Variants in PAH observed in about 807,000 individuals in gnomAD.
PAH encodes phenylalanine hydroxylase, also known as phenylalanine-4-hydroxylase.
A neutral mutation model predicts 62.0 loss-of-function variants in PAH; 64 were observed. The ratio of observed to expected loss-of-function variants is 1.03; its 90% CI spans 0.84 to 1.27. PAH has a LOEUF of 1.27. Ranked by LOEUF, PAH falls within the 50% of genes most tolerant of loss-of-function variation. The pLI is 0.00. For synonymous variants in PAH, 195 were observed against 196.2 expected, an observed-to-expected ratio of 0.99 and a Z score of 0.05; for missense variants, 579 against 542.8, an observed-to-expected ratio of 1.07 and a Z score of -0.66.
At position 102,957,983 on chromosome 12, in the gene PAH, A is replaced by C. The variant is rs1231972717; in HGVS notation, c.-96+212T>G. ...GCGCCACGCGAGGCTCCCGAAGCCA[A>C]CCCGCGAAGGGAGGAGGGGAGGGAG... On this transcript the variant is annotated intron_variant, in intron 1 of 4. Transcript: ENST00000551337. The surrounding 1 kb of genome is among the most constrained non-coding windows in gnomAD (Gnocchi z 4.1). 2 of 322,584 alleles carry C rather than the reference A, an allele frequency of 6.2e-6. No homozygotes were observed. The highest frequency in any genetic ancestry group is 4.3e-5 in the African/African-American group (2 of 46,316). 20.0% of individuals were successfully genotyped at this position (322,584 alleles called of 1,614,324 possible). A position where few individuals can be genotyped will look rare whatever the true frequency, so the allele number is the denominator to read the frequency against.
At chr12:102,956,983 G>C (rs759974570) in intron 1 of PAH, among the ~76,000 whole-genome samples, 1 of 152,180 alleles carries the variant, frequency 6.6e-6, no homozygotes, top group Non-Finnish European at 1.5e-5. Flanking sequence ...ACAGAGCATT[G>C]AGAGGACGCC....
chr12:102,921,709 T>C (rs889831945), upstream of PAH, among the ~76,000 whole-genome samples: 5 of 152,158 alleles, frequency 3.3e-5, no homozygotes, highest in African/African-American at 1.2e-4. Flanking sequence ...GGGGATTTCT[T>C]AGAGGCTTTT....
At chr12:102,956,570 C>T (rs1181135564) in intron 1 of PAH, among the ~76,000 whole-genome samples, 1 of 152,118 alleles carries the variant, frequency 6.6e-6, no homozygotes, top group Non-Finnish European at 1.5e-5. Context: ...CCCGCGGCGG[C>T]GCCGAAGAAC....
chr12:102,870,646 T>C (rs1229075955), intron 4 of PAH, among the ~76,000 whole-genome samples: 3 of 152,218 alleles, frequency 2.0e-5, no homozygotes, highest in Non-Finnish European at 4.4e-5. Context: ...ACAGAATTCT[T>C]ACCTTGCTGT....
chr12:102,843,580 C>T (rs1874678722), intron 11 of PAH, 66 bp downstream of exon 11: 1 of 1,575,460 alleles, frequency 6.3e-7, no homozygotes, highest in Admixed American at 1.7e-5. Flanking sequence ...GGCCAACCAC[C>T]CACAGATGAG....
intron 1 of PAH, among the ~76,000 whole-genome samples, chr12:102,939,879 C>T (rs548426530): frequency 6.6e-6 from 1 of 152,244 alleles, no homozygotes; most frequent in East Asian, 1.9e-4. Context: ...CAGTGTGCAG[C>T]CTGGGAGTGC....
chr12:102,887,724 C>T lies in PAH; in HGVS notation c.352+7011G>A, dbSNP rs144382724. ...GGGAGAGTGGGTCTTTGCTCCATTT[C>T]ACAGATGAAGGAGAAGCGGTCATCC... On this transcript the variant is annotated intron_variant, in intron 3 of 12. Coordinates refer to ENST00000553106, the MANE Select transcript of PAH (RefSeq NM_000277.3). Among the ~76,000 whole-genome samples, 117 of 152,220 alleles carry T rather than the reference C, an allele frequency of 7.7e-4. No homozygotes were observed. In the East Asian group the frequency reaches 0.019, roughly 24 times the overall value.
Position 102,839,058 on chromosome 12 carries a change from G to C in PAH, c.*117C>G. ...ATTTGTTGTTTCTCCATCTTGTAAA[G>C]GATTTAAGGCTGTTATTTCAAATTA... On this transcript the variant is annotated 3_prime_UTR_variant, in exon 13 of 13. Transcript: ENST00000553106. 1.2e-6 allele frequency: 1 copy of C among 855,890 alleles called. No homozygotes were observed. The highest frequency in any genetic ancestry group is 2.0e-6 in the Non-Finnish European group (1 of 509,070). The allele number at this position is 855,890 out of a possible 1,614,324, so 53.0% of individuals were successfully genotyped here.
rs1482838130 is a variant in PAH, at chr12:102,851,613, T to G, written c.912+74A>C. On this transcript the variant is annotated intron_variant, in intron 8 of 12. Coordinates refer to ENST00000553106, the MANE Select transcript of PAH (RefSeq NM_000277.3). ...CTCTTGCAGAGGGCATGAGGACCCC[T>G]CCCTGGGCTCAACTCATTTGAGAAA... is the stretch of plus-strand genomic sequence containing the variant. The G allele has an allele frequency of 2.4e-6, 3 of 1,252,510 alleles. No homozygotes were observed. In the East Asian group the frequency reaches 6.9e-5, roughly 29 times the overall value. The allele number at this position is 1,252,510 out of a possible 1,614,324, so 77.6% of individuals were successfully genotyped here. A position where few individuals can be genotyped will look rare whatever the true frequency, so the allele number is the denominator to read the frequency against.
intron 1 of PAH, among the ~76,000 whole-genome samples, chr12:102,925,119 C>A (rs1305905109): frequency 6.6e-6 from 1 of 152,160 alleles, no homozygotes; most frequent in Non-Finnish European, 1.5e-5. Flanking sequence ...GCCTTTCTTG[C>A]AGCTGAGTGT....
intron 3 of PAH, among the ~76,000 whole-genome samples, chr12:102,890,677 A>T (rs1446592212): frequency 6.6e-6 from 1 of 152,214 alleles, no homozygotes; most frequent in Non-Finnish European, 1.5e-5. Context: ...AATATCAACA[A>T]CTTTGACATT....
intron 1 of PAH, among the ~76,000 whole-genome samples, chr12:102,922,303 C>A (rs1489053388): frequency 1.3e-5 from 2 of 151,838 alleles, no homozygotes; most frequent in Admixed American, 1.3e-4. Context: ...AAGTGATTCC[C>A]CCACCTCAGC....
At chr12:102,866,494 C>T (rs1055684060) in intron 5 of PAH, 102 bp downstream of exon 5, 3 of 891,684 alleles carry the variant, frequency 3.4e-6, no homozygotes, top group African/African-American at 3.3e-5. Context: ...AGGCAGGACT[C>T]TTCATGCTGG....
At chr12:102,905,439 CA>C (rs1877937079) in intron 2 of PAH, among the ~76,000 whole-genome samples, 1 of 152,154 alleles carries the variant, frequency 6.6e-6, no homozygotes, top group Non-Finnish European at 1.5e-5. Flanking sequence ...TCAACATTCC[CA>C]GTTTAAAGAT....
chr12:102,866,680 A>T lies in PAH; in HGVS notation c.442-17T>A. On this transcript the variant is annotated splice_polypyrimidine_tract_variant and intron_variant, in intron 4 of 12. Coordinates refer to ENST00000553106, the MANE Select transcript of PAH (RefSeq NM_000277.3). ...TTTAAAACCCTAGGAGAAAAGAGAC[A>T]CCTGATTTTTCAAGGCTTCATAGGA... is the stretch of plus-strand genomic sequence containing the variant. 1 of 1,609,292 alleles carries T rather than the reference A, an allele frequency of 6.2e-7. No individual in the cohort carries two copies. Among genetic ancestry groups the T allele is most frequent in the Non-Finnish European group, 8.5e-7 (1 of 1,175,676 alleles).
At position 102,843,690 on chromosome 12, in the gene PAH, G is replaced by T. The variant is rs772897; in HGVS notation, c.1155C>A (p.Leu385=). Residue 385 remains leucine (L), a synonymous_variant, in exon 11 of 13, where the codon CTC becomes CTA. Transcript: ENST00000553106. ...CATTAAAACTCTCTGCCACGTAATA[G>T]AGGGGCTGGAACTCCGTGACAGTGT... ...QNYTVTEFQP[L]YYVAESFNDA... 6.8e-5 allele frequency: 110 copies of T among 1,613,522 alleles called. No individual in the cohort carries two copies. The South Asian group carries it at 1.1e-3, about 17-fold the overall frequency.
intron 5 of PAH, among the ~76,000 whole-genome samples, chr12:102,862,861 A>G (rs1875789908): frequency 6.6e-6 from 1 of 152,134 alleles, no homozygotes; most frequent in South Asian, 2.1e-4. Context: ...AGTGACAGGG[A>G]TTAGGCAAAA....
chr12:102,948,177 G>T (rs1288095388), intron 1 of PAH, among the ~76,000 whole-genome samples: 1 of 152,110 alleles, frequency 6.6e-6, no homozygotes, highest in Non-Finnish European at 1.5e-5. Flanking sequence ...TTTTTAGGAT[G>T]GGAAGGTACG....
upstream of PAH, among the ~76,000 whole-genome samples, chr12:102,952,510 A>C (rs993660324): frequency 6.6e-6 from 1 of 152,204 alleles, no homozygotes; most frequent in Non-Finnish European, 1.5e-5. Context: ...ACAAAAGTTT[A>C]GAATGTATTG....
Sources: gnomAD v4.1 joint callset for allele counts (sites outside exome capture counted in the v4.1 genomes callset) on GRCh38, gnomAD v4.1.1 for gene constraint, Gnocchi (gnomAD v3.1) non-coding constraint, MANE v1.5 for transcripts, NCBI Gene and HGNC (gene_info 2026-07-23, HGNC 2026-07-21) for gene names.